The following ZNF483 variants were observed in gnomAD, a reference collection of about 807,000 sequenced individuals.
The protein encoded by ZNF483 is zinc finger protein 483.
Under a neutral mutation model 28.6 loss-of-function variants are expected in ZNF483, and 9 were observed. The observed-to-expected ratio is 0.32, with a 90% CI of 0.19 to 0.55. The LOEUF is 0.55. Ranked by LOEUF, ZNF483 falls within the 20% of genes least tolerant of loss-of-function variation. ZNF483 has a pLI of 0.93. For synonymous variants in ZNF483, 322 were observed against 306.2 expected, an observed-to-expected ratio of 1.05 and a Z score of -0.54; for missense variants, 675 against 871.7, an observed-to-expected ratio of 0.77 and a Z score of 2.84.
At position 111,527,253 on chromosome 9, in the gene ZNF483, A is replaced by G. The variant is rs2132210338; in HGVS notation, c.-128-15A>G. 2 of 834,844 alleles carry G rather than the reference A, an allele frequency of 2.4e-6. No homozygotes were observed. The highest frequency in any genetic ancestry group is 5.2e-5 in the East Asian group (2 of 38,596). 51.7% of individuals were successfully genotyped at this position (834,844 alleles called of 1,614,324 possible). Reference sequence around the variant, plus strand: ...TTTTTTACTTATTTAATGCCTTAATATTTCTTCTTGACAGTTTCTGCAGGA... The same window carrying G: ...TTTTTTACTTATTTAATGCCTTAATGTTTCTTCTTGACAGTTTCTGCAGGA... On this transcript the variant is annotated splice_polypyrimidine_tract_variant and intron_variant, in intron 1 of 5. Coordinates refer to ENST00000309235, the MANE Select transcript of ZNF483 (RefSeq NM_133464.5).
chr9:111,532,230 G>T (rs1827366311), intron 3 of ZNF483, among the ~76,000 whole-genome samples: 1 of 152,056 alleles, frequency 6.6e-6, no homozygotes, highest in Non-Finnish European at 1.5e-5. Flanking sequence ...GCTGTAAGGG[G>T]GAAAGACAGT....
chr9:111,561,157 GA>G (rs1828304730), intron 5 of ZNF483, among the ~76,000 whole-genome samples: 1 of 114,114 alleles, frequency 8.8e-6, no homozygotes, highest in Admixed American at 9.4e-5. Flanking sequence ...GGGAGAGAGA[GA>G]GAGAGAGAGA....
At chr9:111,536,378 AAC>A (rs1827502279) in intron 5 of ZNF483, among the ~76,000 whole-genome samples, 1 of 151,816 alleles carries the variant, frequency 6.6e-6, no homozygotes, top group African/African-American at 2.4e-5. Context: ...AAAAAAAATT[AAC>A]CAGGCTTGGT....
At chr9:111,535,018 C>T (rs1827454063) in intron 5 of ZNF483, among the ~76,000 whole-genome samples, 2 of 152,030 alleles carry the variant, frequency 1.3e-5, no homozygotes, top group South Asian at 2.1e-4. Flanking sequence ...CCACCACGCC[C>T]GGCTGCAGTG....
intron 4 of ZNF483, 144 bp downstream of exon 4, chr9:111,534,009 T>G (rs1827413667): frequency 6.6e-6 from 7 of 1,062,990 alleles, no homozygotes; most frequent in Non-Finnish European, 9.6e-6. Flanking sequence ...AAACTGGTTC[T>G]GAAAATGTGC....
At position 111,549,729 on chromosome 9, in the gene ZNF483, A is replaced by T. The variant is rs532587811; in HGVS notation, c.*6559A>T. The T allele has an allele frequency of 3.9e-6, 6 of 1,549,226 alleles. No homozygotes were observed. The Admixed American group carries it at 1.2e-4, about 31-fold the overall frequency. ...AAGTGGACCCTTGCCTTCTAAGGTA[A>T]TGGTGAATGATACATATTCCCTTCA... On this transcript the variant is annotated 3_prime_UTR_variant, in exon 6 of 6. Coordinates refer to ENST00000309235, the MANE Select transcript of ZNF483 (RefSeq NM_133464.5).
chr9:111,527,418 A>G lies in ZNF483; in HGVS notation c.23A>G (p.Asn8Ser). The G allele has an allele frequency of 6.2e-7, 1 of 1,613,778 alleles. No individual in the cohort carries two copies. Among genetic ancestry groups the G allele is most frequent in the Non-Finnish European group, 8.5e-7 (1 of 1,179,992 alleles). ...ACAATGCAAGCTGTAGTGCCCTTGAACAAGATGACAGCCATCTCACCAGAA... is the reference window on the plus strand; with the variant it reads ...ACAATGCAAGCTGTAGTGCCCTTGAGCAAGATGACAGCCATCTCACCAGAA... MQAVVPL[N>S]KMTAISPEPQ... Residue 8 changes from asparagine to serine, a missense_variant, in exon 2 of 6, where the codon AAC (asparagine) becomes AGC (serine). Asn to Ser is a conservative substitution (Grantham distance 46, BLOSUM62 1). Transcript: ENST00000309235.
chr9:111,528,055 G>GGC, intron 2 of ZNF483: 1 of 1,418,078 alleles, frequency 7.1e-7, no homozygotes, highest in South Asian at 1.5e-5. Flanking sequence ...GGTGAGACAA[G>GGC]ATAGGATATA....
At chr9:111,530,113 G>C (rs1203873775) in intron 2 of ZNF483, among the ~76,000 whole-genome samples, 3 of 152,164 alleles carry the variant, frequency 2.0e-5, no homozygotes, top group Admixed American at 1.3e-4. Context: ...TTGGAACTCA[G>C]CTCCACCCCC....
In ZNF483 at chr9:111,529,201, C is replaced by A. The variant is rs181690998; in HGVS notation, c.412+1394C>A. Among the ~76,000 whole-genome samples, 193 of 152,148 alleles carry A rather than the reference C, an allele frequency of 1.3e-3. 2 individuals carry two copies. The highest frequency in any genetic ancestry group is 4.4e-3 in the African/African-American group (184 of 41,532). ...TAACAGTTTTCTTAAATTCACCCCA[C>A]TTTTCTCTTTGATTACGTAATTCTA... On this transcript the variant is annotated intron_variant, in intron 2 of 5. Coordinates refer to ENST00000309235, the MANE Select transcript of ZNF483 (RefSeq NM_133464.5).
Position 111,550,132 on chromosome 9 carries a change from G to T in ZNF483, c.*6962G>T, listed in dbSNP as rs899472381. Among the ~76,000 whole-genome samples the T allele has an allele frequency of 1.3e-5, 2 of 152,170 alleles. No individual in the cohort carries two copies. The highest frequency in any genetic ancestry group is 2.9e-5 in the Non-Finnish European group (2 of 68,036). Reference sequence around the variant, plus strand: ...CTGTCTCTGTGCTAGGGATCAGCCTGTGTTGAATGCCTAAAGTTGTCTCAA... The same window carrying T: ...CTGTCTCTGTGCTAGGGATCAGCCTTTGTTGAATGCCTAAAGTTGTCTCAA... On this transcript the variant is annotated 3_prime_UTR_variant, in exon 6 of 6. Coordinates refer to ENST00000309235, the MANE Select transcript of ZNF483 (RefSeq NM_133464.5).
At chr9:111,538,186 C>A (rs1421413118) in intron 5 of ZNF483, among the ~76,000 whole-genome samples, 1 of 150,714 alleles carries the variant, frequency 6.6e-6, no homozygotes, top group Non-Finnish European at 1.5e-5. Context: ...CAAATTGTCA[C>A]AAATCTCCAA....
At chr9:111,529,271 A>G (rs1023657448) in intron 2 of ZNF483, among the ~76,000 whole-genome samples, 3 of 152,218 alleles carry the variant, frequency 2.0e-5, no homozygotes, top group African/African-American at 2.4e-5. Context: ...TTTGCCTAAA[A>G]TTCTTTTCAT....
chr9:111,569,023 T>C (rs1416716963), intron 5 of ZNF483, among the ~76,000 whole-genome samples: 1 of 152,218 alleles, frequency 6.6e-6, no homozygotes, highest in Non-Finnish European at 1.5e-5. Flanking sequence ...AAGTATAGAA[T>C]TGTTATAACT....
Position 111,550,189 on chromosome 9 carries a change from G to A in ZNF483, c.*7019G>A, listed in dbSNP as rs967424543. Among the ~76,000 whole-genome samples the A allele has an allele frequency of 6.6e-6, 1 of 152,118 alleles. No homozygotes were observed. The highest frequency in any genetic ancestry group is 2.4e-5 in the African/African-American group (1 of 41,416). On this transcript the variant is annotated 3_prime_UTR_variant, in exon 6 of 6. Transcript: ENST00000309235. ...ACAGAGCCTGCGTTTTTCCCTGGGC[G>A]GGAGCAATGGCTTTCTGAATTCACC...
At chr9:111,571,676 GTTTGTT>G (rs1828829218) in intron 5 of ZNF483, among the ~76,000 whole-genome samples, 1 of 135,204 alleles carries the variant, frequency 7.4e-6, no homozygotes. Context: ...TTGTTTGTTT[GTTTGTT>G]TTTTCTGTCA....
chr9:111,528,232 T>C (rs1827228767), intron 2 of ZNF483, among the ~76,000 whole-genome samples: 1 of 152,236 alleles, frequency 6.6e-6, no homozygotes, highest in Non-Finnish European at 1.5e-5. Flanking sequence ...TGTGAGTGTC[T>C]TTGCTGATGG....
intron 1 of ZNF483, among the ~76,000 whole-genome samples, chr9:111,526,071 AGAAT>A (rs776061495): frequency 2.0e-5 from 3 of 152,130 alleles, no homozygotes; most frequent in Non-Finnish European, 4.4e-5. Context: ...CGTCACTTAT[AGAAT>A]GAATGAATGA....
chr9:111,550,112 T>G lies in ZNF483; in HGVS notation c.*6942T>G, dbSNP rs567140252. ...TTTTGTTTTACTGTCATAGGCTGTC[T>G]CTGTGCTAGGGATCAGCCTGTGTTG... On this transcript the variant is annotated 3_prime_UTR_variant, in exon 6 of 6. Coordinates refer to ENST00000309235, the MANE Select transcript of ZNF483 (RefSeq NM_133464.5). Among the ~76,000 whole-genome samples the G allele has an allele frequency of 6.6e-6, 1 of 152,330 alleles. No homozygotes were observed. The highest frequency in any genetic ancestry group is 2.4e-5 in the African/African-American group (1 of 41,566).
Sources: allele counts gnomAD v4.1 joint callset (sites outside exome capture counted in the v4.1 genomes callset), GRCh38; gene constraint gnomAD v4.1.1; transcripts MANE v1.5; gene names NCBI Gene and HGNC (gene_info 2026-07-23, HGNC 2026-07-21).